The following CSMD1 variants were observed in gnomAD, a reference collection of about 807,000 sequenced individuals.
CSMD1 encodes CUB and Sushi multiple domains 1, also known as CUB and sushi domain-containing protein 1.
CSMD1 carries 213 observed loss-of-function variants against 417.5 expected under a neutral mutation model. The ratio of observed to expected loss-of-function variants is 0.51; its 90% CI spans 0.46 to 0.57. The LOEUF (loss-of-function observed/expected upper bound fraction) is 0.57, where lower values mean the gene tolerates loss of function less well. CSMD1 is among the 20% of genes least tolerant of loss of function. The pLI is 0.00. For synonymous variants in CSMD1, 2,862 were observed against 1,736.8 expected, an observed-to-expected ratio of 1.65 and a Z score of -16.11; for missense variants, 6,923 against 4,529.7, an observed-to-expected ratio of 1.53 and a Z score of -15.17.
At chr8:3,899,818 A>T (rs1243632152) in intron 5 of CSMD1, among the ~76,000 whole-genome samples, 2 of 152,192 alleles carry the variant, frequency 1.3e-5, no homozygotes, top group South Asian at 4.1e-4. Context: ...ACCCTTCAGT[A>T]TGACCCTACC....
intron 26 of CSMD1, among the ~76,000 whole-genome samples, chr8:3,238,751 T>C (rs1470270797): frequency 3.3e-5 from 5 of 152,158 alleles, no homozygotes; most frequent in Non-Finnish European, 7.3e-5. Flanking sequence ...GGACATCTAA[T>C]TAGAGAGTGC....
intron 1 of CSMD1, among the ~76,000 whole-genome samples, chr8:4,919,271 G>T (rs986949057): frequency 6.6e-6 from 1 of 152,174 alleles, no homozygotes; most frequent in Non-Finnish European, 1.5e-5. Flanking sequence ...GGAAAAAGAA[G>T]AGTTCTGTCA....
chr8:3,356,653 T>C (rs1461584102), intron 21 of CSMD1, among the ~76,000 whole-genome samples: 2 of 152,046 alleles, frequency 1.3e-5, no homozygotes, highest in East Asian at 1.9e-4. Flanking sequence ...CCAGCCTGGG[T>C]GACAAGAACA....
At chr8:3,113,933 A>G (rs1816693831) in intron 42 of CSMD1, among the ~76,000 whole-genome samples, 1 of 152,110 alleles carries the variant, frequency 6.6e-6, no homozygotes, top group Admixed American at 6.6e-5. Context: ...TAAAATTAAA[A>G]CAGGCTGGCT....
chr8:3,860,684 C>A (rs1804640115), intron 5 of CSMD1, among the ~76,000 whole-genome samples: 1 of 152,030 alleles, frequency 6.6e-6, no homozygotes, highest in African/African-American at 2.4e-5. Flanking sequence ...TTCTTAAGAC[C>A]ACAGAACTTT....
At chr8:3,804,739 A>G (rs1250473026) in intron 5 of CSMD1, among the ~76,000 whole-genome samples, 3 of 152,230 alleles carry the variant, frequency 2.0e-5, no homozygotes, top group Non-Finnish European at 4.4e-5. Context: ...GCTTCAACTG[A>G]TCATGAAATT....
At chr8:3,802,774 G>C (rs1800527689) in intron 5 of CSMD1, among the ~76,000 whole-genome samples, 1 of 152,072 alleles carries the variant, frequency 6.6e-6, no homozygotes, top group Admixed American at 6.5e-5. Context: ...AAAATTTAAA[G>C]CTTAGCTCCC....
chr8:4,443,924 C>G (rs939735696), intron 2 of CSMD1, among the ~76,000 whole-genome samples: 1 of 152,014 alleles, frequency 6.6e-6, no homozygotes, highest in African/African-American at 2.4e-5. Context: ...ATAAGAAATG[C>G]GTACATATAC....
chr8:4,429,492 G>C (rs1449849318), intron 2 of CSMD1, among the ~76,000 whole-genome samples: 1 of 152,094 alleles, frequency 6.6e-6, no homozygotes, highest in African/African-American at 2.4e-5. Context: ...TTGGGAAACA[G>C]ATTAGCTTAT....
chr8:3,701,022 G>A (rs1177986038), intron 7 of CSMD1, among the ~76,000 whole-genome samples: 1 of 151,870 alleles, frequency 6.6e-6, no homozygotes, highest in Non-Finnish European at 1.5e-5. Context: ...AAAGGCTTGG[G>A]ATATGTCGGG....
chr8:4,402,259 T>G (rs914399411), intron 3 of CSMD1, among the ~76,000 whole-genome samples: 2 of 152,088 alleles, frequency 1.3e-5, no homozygotes, highest in African/African-American at 4.8e-5. Flanking sequence ...CATCATAAAC[T>G]GCAAATCCAA....
chr8:4,897,515 C>T (rs963453472), intron 1 of CSMD1, among the ~76,000 whole-genome samples: 2 of 152,000 alleles, frequency 1.3e-5, no homozygotes, highest in East Asian at 1.9e-4. Flanking sequence ...CTCTCATATC[C>T]TATTCGGTGA....
intron 3 of CSMD1, among the ~76,000 whole-genome samples, chr8:4,373,343 G>A (rs1196459212): frequency 6.6e-6 from 1 of 152,176 alleles, no homozygotes; most frequent in Non-Finnish European, 1.5e-5. Context: ...AGGATTTTTA[G>A]TTAATAACGT....
At chr8:3,073,494 G>T (rs1285214520) in intron 49 of CSMD1, among the ~76,000 whole-genome samples, 1 of 152,174 alleles carries the variant, frequency 6.6e-6, no homozygotes, top group Admixed American at 6.5e-5. Context: ...ATACTTACAT[G>T]TATAAATGAA....
At chr8:3,115,431 A>AC (rs1489264664) in intron 42 of CSMD1, among the ~76,000 whole-genome samples, 2 of 152,086 alleles carry the variant, frequency 1.3e-5, no homozygotes, top group African/African-American at 2.4e-5. Context: ...CAAACTCCTG[A>AC]CCTCAGGTGA....
At chr8:4,021,941 T>A (rs113364915) in intron 4 of CSMD1, among the ~76,000 whole-genome samples, 68 of 152,116 alleles carry the variant, frequency 4.5e-4, no homozygotes, top group African/African-American at 1.6e-3. Context: ...TTTTGATCTT[T>A]ATTTTTTTCA....
At chr8:3,900,784 G>C (rs73495950) in intron 5 of CSMD1, among the ~76,000 whole-genome samples, 2,491 of 152,276 alleles carry the variant, frequency 0.016, 68 homozygotes, top group African/African-American at 0.054. Flanking sequence ...CACTGTAGCT[G>C]GGTGACACAG....
chr8:4,391,141 T>C (rs927541984), intron 3 of CSMD1, among the ~76,000 whole-genome samples: 1 of 152,186 alleles, frequency 6.6e-6, no homozygotes, highest in Non-Finnish European at 1.5e-5. Flanking sequence ...ACCCAGATAA[T>C]GCCTGTGCTC....
intron 47 of CSMD1, among the ~76,000 whole-genome samples, chr8:3,095,460 C>G (rs1159530798): frequency 6.6e-6 from 1 of 152,086 alleles, no homozygotes; most frequent in East Asian, 1.9e-4. Context: ...TTTAAAAAGC[C>G]ATGCTCTGAA....
Sources: gnomAD v4.1 joint callset for allele counts (sites outside exome capture counted in the v4.1 genomes callset) on GRCh38, gnomAD v4.1.1 for gene constraint, MANE v1.5 for transcripts, NCBI Gene and HGNC (gene_info 2026-07-23, HGNC 2026-07-21) for gene names.